The following RANBP2 variants were observed in gnomAD, a reference collection of about 807,000 sequenced individuals.
RANBP2 encodes RAN binding protein 2, also known as E3 SUMO-protein ligase RanBP2.
RANBP2 carries 57 observed loss-of-function variants against 303.6 expected under a neutral mutation model. The ratio of observed to expected loss-of-function variants is 0.19; its 90% CI spans 0.15 to 0.23. The LOEUF (loss-of-function observed/expected upper bound fraction) is 0.23, where lower values mean the gene tolerates loss of function less well. Ranked by LOEUF, RANBP2 falls within the 10% of genes least tolerant of loss-of-function variation. RANBP2 has a pLI of 1.00. For synonymous variants in RANBP2, 1,167 were observed against 1,301.5 expected (o/e 0.90, Z 2.23); for missense variants, 3,138 against 3,780.8 (o/e 0.83, Z 4.46).
At chr2:109,320,849 C>A in the RANBP2 span, among the ~76,000 whole-genome samples, 1 of 152,204 alleles carries the variant, frequency 6.6e-6, no homozygotes, top group Non-Finnish European at 1.5e-5. Flanking sequence ...TGGATTCGGG[C>A]ACCAGACCAA....
the RANBP2 span, among the ~76,000 whole-genome samples, chr2:109,294,290 G>A: frequency 2.6e-5 from 4 of 152,172 alleles, no homozygotes; most frequent in Non-Finnish European, 4.4e-5. Flanking sequence ...TGCCGTGTGC[G>A]GTGGTCATGC....
rs777551979 is a variant in RANBP2, at chr2:108,731,486, A to G, written c.405+12A>G. 6.2e-7 allele frequency: 1 copy of G among 1,611,168 alleles called. No individual in the cohort carries two copies. The highest frequency in any genetic ancestry group is 8.5e-7 in the Non-Finnish European group (1 of 1,179,422). ...TTTATAAACTAAAGGTAAACAAACA[A>G]AACATAAAGGGAGAAAACTTAAGAC... On this transcript the variant is annotated intron_variant, in intron 4 of 28. Coordinates refer to ENST00000283195, the MANE Select transcript of RANBP2 (RefSeq NM_006267.5).
At chr2:108,911,055 G>GAAC in the RANBP2 span, 3 of 1,614,184 alleles carry the variant, frequency 1.9e-6, no homozygotes, top group Non-Finnish European at 2.5e-6. Flanking sequence ...GTGGCCAGGT[G>GAAC]TCCTTGGCCT....
the RANBP2 span, among the ~76,000 whole-genome samples, chr2:109,686,378 A>G: frequency 6.6e-6 from 1 of 152,128 alleles, no homozygotes; most frequent in Non-Finnish European, 1.5e-5. Flanking sequence ...GCAGTGGCAC[A>G]ATCTCGGCTC....
At chr2:109,060,271 T>C in the RANBP2 span, among the ~76,000 whole-genome samples, 1 of 152,018 alleles carries the variant, frequency 6.6e-6, no homozygotes, top group Admixed American at 6.5e-5. Context: ...TGCAGCAACA[T>C]AAGGAAATGA....
chr2:108,861,472 CTTTTTT>C, the RANBP2 span, among the ~76,000 whole-genome samples: 6 of 123,552 alleles, frequency 4.9e-5, no homozygotes, highest in South Asian at 2.7e-4. Context: ...AACTTTCTTC[CTTTTTT>C]TTTTTTTTTT....
chr2:109,139,618 G>A, the RANBP2 span, among the ~76,000 whole-genome samples: 1 of 152,168 alleles, frequency 6.6e-6, no homozygotes, highest in African/African-American at 2.4e-5. Flanking sequence ...GTCTCGGTTT[G>A]ACAAACTAAG....
At chr2:109,451,249 C>G in the RANBP2 span, among the ~76,000 whole-genome samples, 83 of 152,348 alleles carry the variant, frequency 5.4e-4, no homozygotes, top group African/African-American at 1.9e-3. Context: ...GTTTGAAGAT[C>G]AGTTCAGTCT....
chr2:109,368,546 T>C, the RANBP2 span, among the ~76,000 whole-genome samples: 5 of 152,128 alleles, frequency 3.3e-5, no homozygotes, highest in African/African-American at 1.2e-4. Context: ...GCAACCTTCC[T>C]CAAATTCTTA....
At chr2:108,772,662 A>G (rs780134691) in intron 22 of RANBP2, 81 bp downstream of exon 22, 46 of 1,383,396 alleles carry the variant, frequency 3.3e-5, no homozygotes, top group Non-Finnish European at 3.8e-5. Context: ...GATAATTTCT[A>G]TAATTATCGA....
the RANBP2 span, among the ~76,000 whole-genome samples, chr2:109,450,998 C>T: frequency 1.3e-5 from 2 of 152,270 alleles, no homozygotes; most frequent in African/African-American, 2.4e-5. Flanking sequence ...GCTCTCTGCC[C>T]ATCACCCTGG....
the RANBP2 span, among the ~76,000 whole-genome samples, chr2:109,021,627 G>A: frequency 6.6e-6 from 1 of 151,868 alleles, no homozygotes; most frequent in Non-Finnish European, 1.5e-5. Context: ...GGGAGAAGAC[G>A]GCTGGCAGGT....
chr2:109,554,522 CCCA>C, the RANBP2 span, among the ~76,000 whole-genome samples: 1 of 152,142 alleles, frequency 6.6e-6, no homozygotes, highest in Non-Finnish European at 1.5e-5. Flanking sequence ...TCACACCACC[CCCA>C]CCCAACTCAG....
chr2:109,449,421 A>G, the RANBP2 span: 8 of 1,613,748 alleles, frequency 5.0e-6, no homozygotes, highest in South Asian at 7.7e-5. Context: ...AGGGGGGCCC[A>G]TCGGTGTTCT....
chr2:109,651,909 T>C, the RANBP2 span, among the ~76,000 whole-genome samples: 1 of 152,150 alleles, frequency 6.6e-6, no homozygotes, highest in Admixed American at 6.5e-5. Flanking sequence ...AAAATGGCCC[T>C]AGCAATGAGA....
At chr2:109,614,518 A>G in the RANBP2 span, 1 of 1,262,074 alleles carries the variant, frequency 7.9e-7, no homozygotes, top group Non-Finnish European at 9.9e-7. Context: ...TGGGGCCCCG[A>G]GGCGGCGCTG....
chr2:108,719,937 C>T (rs1016934159), intron 1 of RANBP2, among the ~76,000 whole-genome samples: 24 of 151,482 alleles, frequency 1.6e-4, no homozygotes, highest in African/African-American at 4.3e-4. Context: ...CCCGACGGTG[C>T]TCGCTCCTGG....
chr2:108,768,302 C>A lies in RANBP2; in HGVS notation c.7763C>A (p.Ser2588Tyr). The A allele has an allele frequency of 1.2e-6, 2 of 1,612,012 alleles. No homozygotes were observed. Among genetic ancestry groups the A allele is most frequent in the Non-Finnish European group, 1.7e-6 (2 of 1,179,852 alleles). ...TCAAAGAACTCTGATATCGAACAGT[C>A]TTCAGATAGCAAAGTCAAAAATCTC... Reference protein sequence around the residue: ...ELSKNSDIEQSSDSKVKNLFA... With the variant: ...ELSKNSDIEQYSDSKVKNLFA... The change falls in exon 20 of 29, where the codon TCT (serine) becomes TAT (tyrosine). Residue 2588 changes from serine to tyrosine, a missense_variant. This residue lies in a region of RANBP2 where 497 missense variants were observed against 465.8 expected (regional missense o/e 1.07). Coordinates refer to ENST00000283195, the MANE Select transcript of RANBP2 (RefSeq NM_006267.5).
chr2:109,230,654 C>G, the RANBP2 span, among the ~76,000 whole-genome samples: 1 of 152,178 alleles, frequency 6.6e-6, no homozygotes, highest in African/African-American at 2.4e-5. Flanking sequence ...GGGTTATGTC[C>G]TGATAAACCC....
Sources: gnomAD v4.1 joint callset for allele counts (sites outside exome capture counted in the v4.1 genomes callset) on GRCh38, gnomAD v4.1.1 for gene constraint, gnomAD v4.1.1 regional missense constraint, MANE v1.5 for transcripts, NCBI Gene and HGNC (gene_info 2026-07-23, HGNC 2026-07-21) for gene names.